KDM2B: variants seen among roughly 807,000 people sequenced by gnomAD.
KDM2B encodes the protein lysine demethylase 2B.
A neutral mutation model predicts 150.0 loss-of-function variants in KDM2B; 26 were observed. That is an observed-to-expected ratio of 0.17 (90% confidence interval 0.13 to 0.24). The LOEUF is 0.24. Among genes scored for constraint, KDM2B ranks in the 10% least tolerant of loss-of-function variants. The pLI, the probability that KDM2B is intolerant of heterozygous loss-of-function variation, is 1.00. For synonymous variants in KDM2B, 734 were observed against 729.5 expected (o/e 1.01, Z -0.10); for missense variants, 1,265 against 1,816.9 (o/e 0.70, Z 5.52).
At chr12:121,579,711 C>T in intron 1 of KDM2B, 1 of 1,443,824 alleles carries the variant, frequency 6.9e-7, no homozygotes, top group Non-Finnish European at 9.2e-7. Flanking sequence ...CCCTCCACCG[C>T]CCAGCGCCCG....
At chr12:121,483,823 T>C (rs1882438869) in intron 12 of KDM2B, among the ~76,000 whole-genome samples, 1 of 151,946 alleles carries the variant, frequency 6.6e-6, no homozygotes, top group Non-Finnish European at 1.5e-5. Context: ...AGGAATCGGA[T>C]GGCACCAAGG....
intron 4 of KDM2B, among the ~76,000 whole-genome samples, chr12:121,565,928 A>G (rs1890671812): frequency 6.7e-6 from 1 of 149,890 alleles, no homozygotes; most frequent in Non-Finnish European, 1.5e-5. Context: ...TGCCCGGCCC[A>G]GGAATTTTTT....
Position 121,574,546 on chromosome 12 carries a change from C to A in KDM2B, c.397+1G>T, listed in dbSNP as rs782151265. Reference sequence around the variant, plus strand: ...AGCCACACACACGGCAAGCGACTTACCCACTAGGAGTTTGACGTCTCGGAC... The same window carrying A: ...AGCCACACACACGGCAAGCGACTTAACCACTAGGAGTTTGACGTCTCGGAC... On this transcript the variant is annotated splice_donor_variant, in intron 4 of 22. Coordinates refer to ENST00000377071, the MANE Select transcript of KDM2B (RefSeq NM_032590.5). LOFTEE classifies it high-confidence loss of function. 1 of 1,613,900 alleles carries A rather than the reference C, an allele frequency of 6.2e-7. No homozygotes were observed. The highest frequency in any genetic ancestry group is 1.7e-5 in the Admixed American group (1 of 60,006).
Position 121,453,456 on chromosome 12 carries a change from C to T in KDM2B, c.1735-112G>A. 2 of 728,514 alleles carry T rather than the reference C, an allele frequency of 2.7e-6. No individual in the cohort carries two copies. Among genetic ancestry groups the T allele is most frequent in the South Asian group, 1.9e-5 (1 of 53,308 alleles). The allele number at this position is 728,514 out of a possible 1,614,324, so 45.1% of individuals were successfully genotyped here. On this transcript the variant is annotated intron_variant, in intron 12 of 22. Transcript: ENST00000377071. This position sits in a 1 kb window ranked among gnomAD's most constrained non-coding sequence, Gnocchi z 6.4. ...TACCCCCAGAAAGACACGATGGGGG[C>T]TCTAAACCCCATTCCTCAGAGTGTG...
chr12:121,516,776 C>T (rs543852373), intron 9 of KDM2B: 4 of 661,060 alleles, frequency 6.1e-6, no homozygotes, highest in Middle Eastern at 2.4e-4. Context: ...AAAGGTTTCT[C>T]GAGTGTATCT....
At chr12:121,417,528 G>T in the KDM2B span, 1 of 1,613,118 alleles carries the variant, frequency 6.2e-7, no homozygotes, top group South Asian at 1.1e-5. The surrounding 1 kb of genome is among the most constrained non-coding windows in gnomAD (Gnocchi z 5.0). Flanking sequence ...CTGCAAGAAG[G>T]ATTTTTGCTC....
intron 12 of KDM2B, among the ~76,000 whole-genome samples, chr12:121,459,084 CAA>C (rs60165748): frequency 1.2e-4 from 12 of 102,388 alleles, no homozygotes; most frequent in Admixed American, 2.1e-4. Context: ...GACTCTGCCT[CAA>C]AAAAAAAAAA....
chr12:121,578,089 A>C (rs1232138203), intron 2 of KDM2B, among the ~76,000 whole-genome samples: 2 of 152,180 alleles, frequency 1.3e-5, no homozygotes, highest in Non-Finnish European at 2.9e-5. Flanking sequence ...TCAAACTGCC[A>C]GGGGACAGGG....
At chr12:121,553,239 A>G (rs1182195556) in intron 4 of KDM2B, among the ~76,000 whole-genome samples, 4 of 151,638 alleles carry the variant, frequency 2.6e-5, no homozygotes, top group East Asian at 1.9e-4. Context: ...TCAAAAAAAA[A>G]AAAGAAAGAA....
intron 11 of KDM2B, among the ~76,000 whole-genome samples, chr12:121,497,082 C>T (rs1884043001): frequency 6.6e-6 from 1 of 151,788 alleles, no homozygotes; most frequent in South Asian, 2.1e-4. Flanking sequence ...CCTTAGCCCA[C>T]AGGAAACAGC....
chr12:121,565,835 C>A (rs1253892342), intron 4 of KDM2B, among the ~76,000 whole-genome samples: 1 of 152,024 alleles, frequency 6.6e-6, no homozygotes, highest in Non-Finnish European at 1.5e-5. Context: ...CCATGTTGGC[C>A]AGGCTGGTCT....
At chr12:121,574,383 T>C in intron 4 of KDM2B, 164 bp downstream of exon 4, 2 of 615,774 alleles carry the variant, frequency 3.2e-6, no homozygotes, top group South Asian at 4.0e-5. Flanking sequence ...CAACCCTACC[T>C]GTTCTCCAGA....
chr12:121,548,299 G>T (rs1889224851), intron 6 of KDM2B, among the ~76,000 whole-genome samples: 1 of 152,152 alleles, frequency 6.6e-6, no homozygotes. Flanking sequence ...ATAAACCATG[G>T]TTAACTTCTG....
At chr12:121,490,098 A>C (rs1555299637) in intron 12 of KDM2B, among the ~76,000 whole-genome samples, 1 of 152,012 alleles carries the variant, frequency 6.6e-6, no homozygotes, top group African/African-American at 2.4e-5. Context: ...GCTGTGTGTC[A>C]CTCCGGAGGG....
At chr12:121,426,630 T>A (rs1872528597), downstream of KDM2B, among the ~76,000 whole-genome samples, 1 of 149,646 alleles carries the variant, frequency 6.7e-6, no homozygotes, top group Non-Finnish European at 1.5e-5. Flanking sequence ...ATTTTTTTTT[T>A]TTTTTTTTTT....
rs782629463 is a variant in KDM2B at position 121,513,430 on chromosome 12, G to C, written c.1048-28C>G. 1.9e-6 allele frequency: 3 copies of C among 1,604,402 alleles called. No homozygotes were observed. The highest frequency in any genetic ancestry group is 2.7e-5 in the African/African-American group (2 of 74,804). ...GAAAGCAAAGACGCAGGCAGGCAGA[G>C]GTCAGTTTCCAGAGGGCGAAGGGGG... is the stretch of plus-strand genomic sequence containing the variant. On this transcript the variant is annotated intron_variant, in intron 9 of 22. Coordinates refer to ENST00000377071, the MANE Select transcript of KDM2B (RefSeq NM_032590.5). The surrounding 1 kb of genome is among the most constrained non-coding windows in gnomAD (Gnocchi z 5.0).
chr12:121,488,362 G>A (rs1310058841), intron 12 of KDM2B, among the ~76,000 whole-genome samples: 7 of 152,074 alleles, frequency 4.6e-5, no homozygotes, highest in Non-Finnish European at 5.9e-5. Flanking sequence ...CCATAATTAC[G>A]AAAAACTAGA....
intron 6 of KDM2B, among the ~76,000 whole-genome samples, chr12:121,547,373 G>C (rs949833205): frequency 6.6e-6 from 1 of 152,222 alleles, no homozygotes; most frequent in Non-Finnish European, 1.5e-5. Context: ...TAAAGAAAGA[G>C]AGAGAGAGAG....
In KDM2B at chr12:121,509,907, G is replaced by A. The variant is rs782247135; in HGVS notation, c.1307C>T (p.Pro436Leu). 1 of 1,612,580 alleles carries A rather than the reference G, an allele frequency of 6.2e-7. No individual in the cohort carries two copies. Among genetic ancestry groups the A allele is most frequent in the Non-Finnish European group, 8.5e-7 (1 of 1,179,660 alleles). ...AGTGGAGCCATCGGTGGGCGGTTTG[G>A]GTGCCCTGTCCCTGCCCTCGCCCTC... is the stretch of plus-strand genomic sequence containing the variant. ...DEEGEGRDRA[P>L]KPPTDGSTSP... The change falls in exon 11 of 23, where the codon CCC becomes CTC. Residue 436 changes from proline (P) to leucine (L), a missense_variant. Pro to Leu is a moderately conservative substitution (Grantham distance 98). Transcript: ENST00000377071.
Sources: gnomAD v4.1 joint callset for allele counts (sites outside exome capture counted in the v4.1 genomes callset) on GRCh38, gnomAD v4.1.1 for gene constraint, Gnocchi (gnomAD v3.1) non-coding constraint, MANE v1.5 for transcripts, NCBI Gene and HGNC (gene_info 2026-07-23, HGNC 2026-07-21) for gene names.